The following SLC25A53 variants were observed in gnomAD, a reference collection of about 807,000 sequenced individuals.
SLC25A53 encodes solute carrier family 25 member 53, also known as mitochondrial carrier triple repeat protein 6.
A neutral mutation model predicts 15.0 loss-of-function variants in SLC25A53; 5 were observed. That is an observed-to-expected ratio of 0.33 (90% CI 0.17 to 0.70). The LOEUF is 0.70. SLC25A53 is among the 30% of genes least tolerant of loss of function. SLC25A53 has a pLI of 0.67. For synonymous variants in SLC25A53, 95 were observed against 100.0 expected, an observed-to-expected ratio of 0.95 and a Z score of 0.30; for missense variants, 216 against 241.6, an observed-to-expected ratio of 0.89 and a Z score of 0.70.
At chrX:104,132,639 T>A (rs2147875516) in intron 1 of SLC25A53, among the ~76,000 whole-genome samples, 1 of 111,987 alleles carries the variant, frequency 8.9e-6, no homozygotes, top group African/African-American at 3.2e-5. Flanking sequence ...AATTTTTTTT[T>A]AATTACCTGC....
intron 1 of SLC25A53, among the ~76,000 whole-genome samples, chrX:104,106,547 T>C (rs1556356195): frequency 9.0e-6 from 1 of 110,770 alleles, no homozygotes; most frequent in Non-Finnish European, 1.9e-5. Context: ...ACCCACAAGT[T>C]TCACACAGAA....
intron 1 of SLC25A53, among the ~76,000 whole-genome samples, chrX:104,128,034 G>A (rs947695430): frequency 3.6e-5 from 4 of 111,389 alleles, no homozygotes; most frequent in South Asian, 3.8e-4. Flanking sequence ...TAGCCTTGGC[G>A]AATTTCTTTG....
chrX:104,151,727 A>C (rs2075485259), intron 1 of SLC25A53, among the ~76,000 whole-genome samples: 1 of 111,966 alleles, frequency 8.9e-6, no homozygotes. Context: ...CTTCACAACC[A>C]TCTGTCCACT....
intron 1 of SLC25A53, among the ~76,000 whole-genome samples, chrX:104,142,757 T>C (rs1348895699): frequency 2.9e-5 from 3 of 101,712 alleles, no homozygotes; most frequent in Admixed American, 2.1e-4. Flanking sequence ...CTACTAAAAC[T>C]ACAAAAAAAA....
At position 104,103,006 on chromosome X, in the gene SLC25A53, G is replaced by A. The variant is rs1451043718; in HGVS notation, c.*1328C>T. ...TACAAAATTAGCCAGGCATGGTGGT[G>A]GGCGCCTGTAATTCCAGCTACTCGG... On this transcript the variant is annotated 3_prime_UTR_variant, in exon 2 of 2. Coordinates refer to ENST00000594199, the MANE Select transcript of SLC25A53 (RefSeq NM_001012755.5). The A allele has an allele frequency of 1.8e-5, 2 of 110,447 alleles. No individual in the cohort carries two copies. The highest frequency in any genetic ancestry group is 3.8e-5 in the Non-Finnish European group (2 of 52,860). 9.1% of individuals were successfully genotyped at this position (110,447 alleles called of 1,213,427 possible). A position where few individuals can be genotyped will look rare whatever the true frequency, so the allele number is the denominator to read the frequency against.
chrX:104,126,488 TA>T (rs1190017466), intron 1 of SLC25A53, among the ~76,000 whole-genome samples: 34 of 109,848 alleles, frequency 3.1e-4, no homozygotes, highest in Non-Finnish European at 6.3e-4. Context: ...ACCCCATCTC[TA>T]AAAAAAATTA....
At chrX:104,105,607 C>T (rs1336579894) in intron 1 of SLC25A53, among the ~76,000 whole-genome samples, 1 of 112,388 alleles carries the variant, frequency 8.9e-6, no homozygotes, top group Non-Finnish European at 1.9e-5. Context: ...CTTAATGCAT[C>T]AACTTTCACG....
At chrX:104,114,070 G>A (rs1556360169) in intron 1 of SLC25A53, 3 of 1,208,418 alleles carry the variant, frequency 2.5e-6, no homozygotes, top group East Asian at 3.0e-5. Flanking sequence ...TCCAAAAAGC[G>A]CGAGCATCTT....
At chrX:104,111,396 C>T (rs1390560585) in intron 1 of SLC25A53, among the ~76,000 whole-genome samples, 1 of 111,447 alleles carries the variant, frequency 9.0e-6, no homozygotes, top group Non-Finnish European at 1.9e-5. Context: ...TCAGACAAAT[C>T]ATTTTACCTC....
intron 1 of SLC25A53, among the ~76,000 whole-genome samples, chrX:104,106,299 T>C (rs1274773589): frequency 3.6e-5 from 4 of 110,863 alleles, no homozygotes; most frequent in African/African-American, 9.9e-5. Flanking sequence ...AATTTTGGGA[T>C]CTAAAGAAAA....
Position 104,100,481 on chromosome X carries a change from T to A in SLC25A53, c.*3853A>T, listed in dbSNP as rs1299794780. Reference sequence around the variant, plus strand: ...AACATCACTAAACTAAATATTAACATTGACATTTAAAATTACTTGAAAACG... The same window carrying A: ...AACATCACTAAACTAAATATTAACAATGACATTTAAAATTACTTGAAAACG... On this transcript the variant is annotated 3_prime_UTR_variant, in exon 2 of 2. Coordinates refer to ENST00000594199, the MANE Select transcript of SLC25A53 (RefSeq NM_001012755.5). The A allele has an allele frequency of 1.2e-4, 13 of 111,969 alleles. No homozygotes were observed. The highest frequency in any genetic ancestry group is 4.2e-4 in the African/African-American group (13 of 30,837). 9.2% of individuals were successfully genotyped at this position (111,969 alleles called of 1,213,427 possible).
At chrX:104,123,545 AT>A (rs59026732) in intron 1 of SLC25A53, among the ~76,000 whole-genome samples, 4,196 of 104,067 alleles carry the variant, frequency 0.04, 177 homozygotes, top group African/African-American at 0.14. Flanking sequence ...TGATTTGTTT[AT>A]TTTTTTTTTT....
Position 104,154,513 on chromosome X carries a change from C to T in SLC25A53, c.-32+2365G>A, listed in dbSNP as rs1194753692. 2.7e-5 allele frequency among the ~76,000 whole-genome samples: 3 copies of T among 112,244 alleles called. No homozygotes were observed. In the Admixed American group the frequency reaches 2.8e-4, roughly 11 times the overall value. On this transcript the variant is annotated intron_variant, in intron 1 of 1. Coordinates refer to ENST00000594199, the MANE Select transcript of SLC25A53 (RefSeq NM_001012755.5). ...TCCAAAGAATTTGAAATCAGTATGT[C>T]GAAGAGATATCTGTACTCTTATGTT... is the stretch of plus-strand genomic sequence containing the variant.
intron 1 of SLC25A53, among the ~76,000 whole-genome samples, chrX:104,136,567 C>T (rs2075437105): frequency 8.9e-6 from 1 of 112,092 alleles, no homozygotes; most frequent in Non-Finnish European, 1.9e-5. Flanking sequence ...AGGGCTGCTC[C>T]TTTCCTCCGC....
chrX:104,103,007 G>T lies in SLC25A53; in HGVS notation c.*1327C>A, dbSNP rs2075287872. 9.1e-6 allele frequency: 1 copy of T among 110,356 alleles called. No individual in the cohort carries two copies. The highest frequency in any genetic ancestry group is 9.7e-5 in the Admixed American group (1 of 10,359). 9.1% of individuals were successfully genotyped at this position (110,356 alleles called of 1,213,427 possible). A position where few individuals can be genotyped will look rare whatever the true frequency, so the allele number is the denominator to read the frequency against. Reference sequence around the variant, plus strand: ...ACAAAATTAGCCAGGCATGGTGGTGGGCGCCTGTAATTCCAGCTACTCGGG... The same window carrying T: ...ACAAAATTAGCCAGGCATGGTGGTGTGCGCCTGTAATTCCAGCTACTCGGG... On this transcript the variant is annotated 3_prime_UTR_variant, in exon 2 of 2. Coordinates refer to ENST00000594199, the MANE Select transcript of SLC25A53 (RefSeq NM_001012755.5).
intron 1 of SLC25A53, among the ~76,000 whole-genome samples, chrX:104,106,086 G>C (rs1556356020): frequency 8.9e-6 from 1 of 111,739 alleles, no homozygotes; most frequent in Non-Finnish European, 1.9e-5. Flanking sequence ...AGCACCAGTA[G>C]TGACTTACAC....
chrX:104,109,517 G>A (rs1440381435), intron 1 of SLC25A53, among the ~76,000 whole-genome samples: 1 of 112,573 alleles, frequency 8.9e-6, no homozygotes, highest in African/African-American at 3.2e-5. Flanking sequence ...TTAAAAATGA[G>A]ATAATAGGAA....
intron 1 of SLC25A53, among the ~76,000 whole-genome samples, chrX:104,134,576 T>G (rs990248587): frequency 8.9e-6 from 1 of 111,877 alleles, no homozygotes. Flanking sequence ...TCTGTTCCTG[T>G]TTCCTTAGGC....
chrX:104,123,192 A>G (rs1320321673), intron 1 of SLC25A53, among the ~76,000 whole-genome samples: 1 of 112,666 alleles, frequency 8.9e-6, no homozygotes, highest in East Asian at 2.8e-4. Flanking sequence ...AATTTCATTA[A>G]AGTCAGTAGA....
Sources: gnomAD v4.1 joint callset for allele counts (sites outside exome capture counted in the v4.1 genomes callset) on GRCh38, gnomAD v4.1.1 for gene constraint, MANE v1.5 for transcripts, NCBI Gene and HGNC (gene_info 2026-07-23, HGNC 2026-07-21) for gene names.